Variants in GPC5 observed in about 807,000 individuals in gnomAD.
GPC5 encodes the protein glypican-5.
A neutral mutation model predicts 53.9 loss-of-function variants in GPC5; 47 were observed. The observed-to-expected ratio is 0.87, with a 90% CI of 0.69 to 1.11. The LOEUF is 1.11. Among genes scored for constraint, GPC5 ranks in the 50% most tolerant of loss-of-function variants. GPC5 has a pLI of 0.00. For synonymous variants in GPC5, 286 were observed against 263.3 expected (o/e 1.09, Z -0.84); for missense variants, 748 against 713.1 (o/e 1.05, Z -0.56).
In GPC5 at chr13:91,613,383, G is replaced by A. The variant is rs567606335; in HGVS notation, c.326-79804G>A. Among the ~76,000 whole-genome samples the A allele has an allele frequency of 1.8e-4, 27 of 152,140 alleles. No individual in the cohort carries two copies. In the East Asian group the frequency reaches 3.1e-3, roughly 17 times the overall value. ...GATTTAATAAGACTTATTCACTATC[G>A]CAAGAATAGTATGGGGGAATCTGAC... On this transcript the variant is annotated intron_variant, in intron 2 of 7. Coordinates refer to ENST00000377067, the MANE Select transcript of GPC5 (RefSeq NM_004466.6).
intron 7 of GPC5, among the ~76,000 whole-genome samples, chr13:92,370,267 CAGG>C (rs1168213495): frequency 6.6e-6 from 1 of 152,152 alleles, no homozygotes; most frequent in Non-Finnish European, 1.5e-5. Flanking sequence ...TGAGTTTTAG[CAGG>C]AGGATTGCAT....
At chr13:91,925,592 T>C (rs893221345) in intron 6 of GPC5, among the ~76,000 whole-genome samples, 2 of 152,168 alleles carry the variant, frequency 1.3e-5, no homozygotes, top group Non-Finnish European at 2.9e-5. Flanking sequence ...TAGTCTGTTT[T>C]GAAGAAAGTG....
Position 91,751,439 on chromosome 13 carries a change from C to T in GPC5, c.1155-4856C>T, listed in dbSNP as rs9589350. Among the ~76,000 whole-genome samples the T allele has an allele frequency of 2.7e-3, 413 of 152,310 alleles. 1 individual carries two copies. Among genetic ancestry groups the T allele is most frequent in the African/African-American group, 9.4e-3 (391 of 41,560 alleles). On this transcript the variant is annotated intron_variant, in intron 4 of 7. Coordinates refer to ENST00000377067, the MANE Select transcript of GPC5 (RefSeq NM_004466.6). ...ATTGTGTTTCTGTTTAGAACCTGTGCCATTTCAGATCAGCAGCCATTACTG... is the reference window on the plus strand; with the variant it reads ...ATTGTGTTTCTGTTTAGAACCTGTGTCATTTCAGATCAGCAGCCATTACTG...
At chr13:91,997,164 C>G (rs2138746078) in intron 6 of GPC5, among the ~76,000 whole-genome samples, 1 of 152,238 alleles carries the variant, frequency 6.6e-6, no homozygotes, top group Non-Finnish European at 1.5e-5. Context: ...TACTAACTCA[C>G]AGAACCACCT....
intron 7 of GPC5, among the ~76,000 whole-genome samples, chr13:92,311,725 C>G (rs867922536): frequency 6.6e-6 from 1 of 152,100 alleles, no homozygotes; most frequent in African/African-American, 2.4e-5. Context: ...AAAAACCCAC[C>G]CCTATGATTC....
intron 7 of GPC5, among the ~76,000 whole-genome samples, chr13:92,298,146 GA>G (rs2043050750): frequency 6.6e-6 from 1 of 152,124 alleles, no homozygotes; most frequent in East Asian, 1.9e-4. Flanking sequence ...CACACAATCC[GA>G]AGGGCCAGTC....
At chr13:92,181,479 A>T (rs1391621876) in intron 7 of GPC5, among the ~76,000 whole-genome samples, 1 of 152,230 alleles carries the variant, frequency 6.6e-6, no homozygotes, top group Admixed American at 6.5e-5. Context: ...GCTATATATC[A>T]TGCTAAGTGC....
rs1466052012 is a variant in GPC5, at chr13:92,267,699, T to C, written c.1561+122710T>C. ...ATATGGCAAACTGCATTCTGTGAAC[T>C]GGCTTACTCTTTTTTTGTAAATAAA... On this transcript the variant is annotated intron_variant, in intron 7 of 7. Coordinates refer to ENST00000377067, the MANE Select transcript of GPC5 (RefSeq NM_004466.6). Among the ~76,000 whole-genome samples, 5 of 138,622 alleles carry C rather than the reference T, an allele frequency of 3.6e-5. No homozygotes were observed. The East Asian group carries it at 1.0e-3, about 29-fold the overall frequency. 90.9% of individuals were successfully genotyped at this position (138,622 alleles called of 152,430 possible).
intron 7 of GPC5, among the ~76,000 whole-genome samples, chr13:92,821,708 T>C (rs939640080): frequency 6.6e-6 from 1 of 152,184 alleles, no homozygotes; most frequent in Non-Finnish European, 1.5e-5. Context: ...ACTGACACCA[T>C]TCAAAGGAAA....
At chr13:91,862,086 A>T (rs1283037527) in intron 5 of GPC5, among the ~76,000 whole-genome samples, 1 of 152,152 alleles carries the variant, frequency 6.6e-6, no homozygotes, top group African/African-American at 2.4e-5. Flanking sequence ...CGATAAAAAA[A>T]GTATTTTCTG....
In GPC5 at chr13:91,571,839, T is replaced by TGTGTGTGTGTATACACACACATACGTGTG. The variant is rs1555325833; in HGVS notation, c.326-121348_326-121347insGTGTGTGTGTATACACACACATACGTGTG. Among the ~76,000 whole-genome samples, 40 of 91,146 alleles carry TGTGTGTGTGTATACACACACATACGTGTG rather than the reference T, an allele frequency of 4.4e-4. 12 individuals are homozygous for TGTGTGTGTGTATACACACACATACGTGTG. Among genetic ancestry groups the TGTGTGTGTGTATACACACACATACGTGTG allele is most frequent in the African/African-American group, 2.3e-3 (30 of 12,994 alleles). The allele number at this position is 91,146 out of a possible 152,430, so 59.8% of individuals were successfully genotyped here. ...CGTGTGTGTATATATACACATATAC[T>TGTGTGTGTGTATACACACACATACGTGTG]TGTGTGTATATACACATATACGTGT... On this transcript the variant is annotated intron_variant, in intron 2 of 7. Coordinates refer to ENST00000377067, the MANE Select transcript of GPC5 (RefSeq NM_004466.6).
chr13:92,679,006 G>A (rs1023025405), intron 7 of GPC5, among the ~76,000 whole-genome samples: 1 of 152,002 alleles, frequency 6.6e-6, no homozygotes, highest in Non-Finnish European at 1.5e-5. Context: ...TGGAAAAGGT[G>A]GGGGGAAATG....
intron 6 of GPC5, among the ~76,000 whole-genome samples, chr13:92,105,040 GC>G (rs1188738432): frequency 1.3e-5 from 2 of 151,946 alleles, no homozygotes; most frequent in Non-Finnish European, 2.9e-5. Context: ...AGCATCAGAA[GC>G]TTTGTTTTTG....
intron 7 of GPC5, among the ~76,000 whole-genome samples, chr13:92,424,516 C>T (rs1054150673): frequency 6.6e-6 from 1 of 151,976 alleles, no homozygotes; most frequent in Non-Finnish European, 1.5e-5. Context: ...GGTACACAGA[C>T]ATTTTTTGTT....
chr13:92,498,288 A>G (rs1179557970), intron 7 of GPC5, among the ~76,000 whole-genome samples: 1 of 152,068 alleles, frequency 6.6e-6, no homozygotes, highest in Non-Finnish European at 1.5e-5. Context: ...GTCTGCATGC[A>G]CAATGGGCTT....
intron 7 of GPC5, among the ~76,000 whole-genome samples, chr13:92,524,480 GAATCCATGGATGCTT>G (rs1881199679): frequency 6.6e-6 from 1 of 152,080 alleles, no homozygotes; most frequent in South Asian, 2.1e-4. Flanking sequence ...ATGGTTGGTT[GAATCCATGGATGCTT>G]AACCCATGGA....
chr13:92,125,125 G>C (rs1261257475), intron 6 of GPC5, among the ~76,000 whole-genome samples: 1 of 152,154 alleles, frequency 6.6e-6, no homozygotes, highest in African/African-American at 2.4e-5. Context: ...TTTCTGGAGA[G>C]GCCCATGTGA....
At chr13:92,798,486 T>C (rs571709736) in intron 7 of GPC5, among the ~76,000 whole-genome samples, 2 of 152,038 alleles carry the variant, frequency 1.3e-5, no homozygotes, top group South Asian at 2.1e-4. Context: ...TTTAGAATAT[T>C]TGAGAAAGGA....
intron 7 of GPC5, among the ~76,000 whole-genome samples, chr13:92,605,419 T>C (rs900059694): frequency 6.6e-6 from 1 of 152,314 alleles, no homozygotes; most frequent in South Asian, 2.1e-4. Flanking sequence ...AAATAAATTA[T>C]GTATGATGTT....
Sources: allele counts gnomAD v4.1 joint callset (sites outside exome capture counted in the v4.1 genomes callset), GRCh38; gene constraint gnomAD v4.1.1; transcripts MANE v1.5; gene names NCBI Gene and HGNC (gene_info 2026-07-23, HGNC 2026-07-21).